The following SLC6A17 variants were observed in gnomAD, a reference collection of about 807,000 sequenced individuals.
SLC6A17 encodes sodium-dependent neutral amino acid transporter SLC6A17.
In SLC6A17, 21 loss-of-function variants were observed where a neutral mutation model predicts 64.5. The observed-to-expected ratio is 0.33, with a 90% CI of 0.23 to 0.47. SLC6A17 has a LOEUF of 0.47. SLC6A17 is among the 20% of genes least tolerant of loss of function. The probability of loss-of-function intolerance (pLI) is 1.00; values close to 1 mark genes in which losing one functional copy is unlikely to be tolerated. For synonymous variants in SLC6A17, 372 were observed against 399.5 expected (o/e 0.93, Z 0.82); for missense variants, 682 against 963.2 (o/e 0.71, Z 3.86).
At chr1:110,190,586 G>A (rs533577489) in intron 6 of SLC6A17, among the ~76,000 whole-genome samples, 8 of 152,258 alleles carry the variant, frequency 5.3e-5, no homozygotes, top group Non-Finnish European at 7.4e-5. Flanking sequence ...AAGTCCAGAC[G>A]GACCCTAGAG....
At chr1:110,190,023 G>A (rs1311252213) in intron 6 of SLC6A17, among the ~76,000 whole-genome samples, 1 of 152,226 alleles carries the variant, frequency 6.6e-6, no homozygotes, top group African/African-American at 2.4e-5. Flanking sequence ...TGGAGAGCCT[G>A]ATTGCTTCTA....
At chr1:110,153,519 A>ATGTGTGTGTGTGTGTGTG (rs3222731) in intron 1 of SLC6A17, among the ~76,000 whole-genome samples, 12,134 of 137,060 alleles carry the variant, frequency 0.089, 749 homozygotes, top group Non-Finnish European at 0.11. Flanking sequence ...GCTACTGGAA[A>ATGTGTGTGTGTGTGTGTG]TGTGTGTGTG....
In SLC6A17 at chr1:110,174,000, A is replaced by G. The variant is rs1390806380; in HGVS notation, c.472A>G (p.Asn158Asp). ...CTGTCTCTTTGTGGGGCTGTATTAT[A>G]ATGTGATCATCGGGTGGAGCATCTT... ...IVCLFVGLYY[N>D]VIIGWSIFYF... The change falls in exon 4 of 12, where the codon AAT (asparagine) becomes GAT (aspartate). Residue 158 changes from asparagine to aspartate, a missense_variant. By Grantham distance (23) the Asn-to-Asp change is conservative (BLOSUM62 1). Coordinates refer to ENST00000331565, the MANE Select transcript of SLC6A17 (RefSeq NM_001010898.4). 1.2e-6 allele frequency: 2 copies of G among 1,614,114 alleles called. No homozygotes were observed. Among genetic ancestry groups the G allele is most frequent in the South Asian group, 2.2e-5 (2 of 91,068 alleles).
rs1473442604 is a variant in SLC6A17, at chr1:110,167,187, C to T, written c.258C>T (p.Phe86=). 1 of 1,612,980 alleles carries T rather than the reference C, an allele frequency of 6.2e-7. No individual in the cohort carries two copies. The highest frequency in any genetic ancestry group is 2.2e-5 in the East Asian group (1 of 44,842). The part of the protein sequence containing the change: ...FSVGLGNIWR[F]PYLCQKNGGG... ...TGGGCCTCGGCAACATCTGGAGGTT[C>T]CCCTACCTGTGCCAGAAAAATGGAG... The change falls in exon 2 of 12, where the codon TTC becomes TTT. Residue 86 remains phenylalanine (F), a synonymous_variant. Coordinates refer to ENST00000331565, the MANE Select transcript of SLC6A17 (RefSeq NM_001010898.4).
At chr1:110,165,374 GA>G (rs1656019830) in intron 1 of SLC6A17, among the ~76,000 whole-genome samples, 1 of 152,170 alleles carries the variant, frequency 6.6e-6, no homozygotes, top group Non-Finnish European at 1.5e-5. Context: ...AGTCCCAGCA[GA>G]GAGCTTCTTA....
At chr1:110,195,885 C>A in intron 10 of SLC6A17, 140 bp downstream of exon 10, 1 of 1,260,440 alleles carries the variant, frequency 7.9e-7, no homozygotes, top group Non-Finnish European at 1.1e-6. Flanking sequence ...AGGTGTAGTG[C>A]AAGGACATGG....
chr1:110,171,025 C>T (rs1450604848), intron 2 of SLC6A17, among the ~76,000 whole-genome samples: 3 of 152,208 alleles, frequency 2.0e-5, no homozygotes, highest in Non-Finnish European at 4.4e-5. Context: ...TGATTGTTGC[C>T]AACTGCCAGA....
intron 1 of SLC6A17, among the ~76,000 whole-genome samples, chr1:110,153,039 G>A (rs1013794068): frequency 2.0e-5 from 3 of 152,188 alleles, no homozygotes; most frequent in East Asian, 1.9e-4. Context: ...GCCTGCTTAA[G>A]AGCAGGATTA....
chr1:110,159,685 T>C (rs1046750036), intron 1 of SLC6A17, among the ~76,000 whole-genome samples: 1 of 152,160 alleles, frequency 6.6e-6, no homozygotes, highest in Admixed American at 6.5e-5. Flanking sequence ...CTGGCTCTTT[T>C]GAAAGTGGCC....
chr1:110,172,416 G>A (rs1005324096), intron 3 of SLC6A17, 199 bp downstream of exon 3: 29 of 680,720 alleles, frequency 4.3e-5, no homozygotes, highest in Non-Finnish European at 5.7e-5. Flanking sequence ...AGTCGACCAC[G>A]TTGCCTGAAA....
chr1:110,180,310 C>T (rs1656488345), intron 6 of SLC6A17, among the ~76,000 whole-genome samples: 1 of 152,154 alleles, frequency 6.6e-6, no homozygotes, highest in African/African-American at 2.4e-5. Context: ...AAAATCATTC[C>T]TTCTTATATT....
Position 110,172,125 on chromosome 1 carries a change from C to T in SLC6A17, c.352C>T (p.Leu118=). 1 of 1,614,076 alleles carries T rather than the reference C, an allele frequency of 6.2e-7. No individual in the cohort carries two copies. Among genetic ancestry groups the T allele is most frequent in the South Asian group, 1.1e-5 (1 of 91,050 alleles). Residue 118 remains leucine (L), a synonymous_variant, in exon 3 of 12, where the codon CTG becomes TTG. Coordinates refer to ENST00000331565, the MANE Select transcript of SLC6A17 (RefSeq NM_001010898.4). ...IIGIPLFFLE[L]AVGQRIRRGS... ...CGGGATCCCCCTCTTCTTCCTGGAG[C>T]TGGCTGTGGGTCAGAGGATCCGCCG...
At chr1:110,174,672 C>A in intron 4 of SLC6A17, 107 bp from the exon 5 acceptor site, 2 of 1,393,574 alleles carry the variant, frequency 1.4e-6, no homozygotes, top group Non-Finnish European at 2.0e-6. Flanking sequence ...CAGCTGCCCA[C>A]CCTCAGCAGC....
intron 2 of SLC6A17, among the ~76,000 whole-genome samples, chr1:110,171,057 G>C (rs2101846081): frequency 6.6e-6 from 1 of 152,342 alleles, no homozygotes; most frequent in South Asian, 2.1e-4. Context: ...GGAGATGGCT[G>C]ATTGCCAGTG....
intron 1 of SLC6A17, among the ~76,000 whole-genome samples, chr1:110,156,942 C>T (rs1159102951): frequency 2.0e-5 from 3 of 152,164 alleles, no homozygotes; most frequent in Non-Finnish European, 4.4e-5. Context: ...TAAGAAAATC[C>T]AGGTCAGATT....
At chr1:110,170,819 C>A (rs1361757092) in intron 2 of SLC6A17, among the ~76,000 whole-genome samples, 1 of 151,958 alleles carries the variant, frequency 6.6e-6, no homozygotes, top group East Asian at 1.9e-4. Flanking sequence ...CATGTATGTG[C>A]ATGGTTGGCT....
chr1:110,151,569 G>T (rs1655607765), intron 1 of SLC6A17, among the ~76,000 whole-genome samples: 1 of 152,186 alleles, frequency 6.6e-6, no homozygotes, highest in South Asian at 2.1e-4. Context: ...CTGCATTTAT[G>T]CCTGTGTGCG....
chr1:110,170,391 G>A (rs936706745), intron 2 of SLC6A17, among the ~76,000 whole-genome samples: 4 of 152,322 alleles, frequency 2.6e-5, no homozygotes, highest in Middle Eastern at 3.4e-3. Context: ...GGCTGAGGCA[G>A]GAGAATGGTG....
chr1:110,172,141 G>C lies in SLC6A17; in HGVS notation c.368G>C (p.Arg123Thr). 1 of 1,613,938 alleles carries C rather than the reference G, an allele frequency of 6.2e-7. No homozygotes were observed. The highest frequency in any genetic ancestry group is 8.5e-7 in the Non-Finnish European group (1 of 1,179,932). The change falls in exon 3 of 12, where the codon AGG (arginine) becomes ACG (threonine). Residue 123 changes from arginine to threonine, a missense_variant. This residue lies in a region of SLC6A17 where 415 missense variants were observed against 603.8 expected (regional missense o/e 0.69). Coordinates refer to ENST00000331565, the MANE Select transcript of SLC6A17 (RefSeq NM_001010898.4). ...LFFLELAVGQ[R>T]IRRGSIGVWH... ...TTCCTGGAGCTGGCTGTGGGTCAGA[G>C]GATCCGCCGCGGCAGCATCGGTGTG...
Sources: allele counts gnomAD v4.1 joint callset (sites outside exome capture counted in the v4.1 genomes callset), GRCh38; gene constraint gnomAD v4.1.1; regional missense constraint gnomAD v4.1.1; transcripts MANE v1.5; gene names NCBI Gene and HGNC (gene_info 2026-07-23, HGNC 2026-07-21).